PDE12: variants seen among roughly 807,000 people sequenced by gnomAD.
The protein encoded by PDE12 is phosphodiesterase 12.
In PDE12, 26 loss-of-function variants were observed where a neutral mutation model predicts 45.4. That is an observed-to-expected ratio of 0.57 (90% CI 0.42 to 0.79). The LOEUF is 0.79. Ranked by LOEUF, PDE12 falls within the 30% of genes least tolerant of loss-of-function variation. The probability of loss-of-function intolerance (pLI) is 0.00; values close to 1 mark genes in which losing one functional copy is unlikely to be tolerated. For synonymous variants in PDE12, 283 were observed against 323.9 expected (o/e 0.87, Z 1.36); for missense variants, 668 against 790.0 (o/e 0.85, Z 1.85).
chr3:57,581,782 A>C, the PDE12 span, among the ~76,000 whole-genome samples: 2 of 152,204 alleles, frequency 1.3e-5, no homozygotes, highest in South Asian at 4.1e-4. Context: ...ACAGGACGAG[A>C]ACTCCATCTC....
the PDE12 span, among the ~76,000 whole-genome samples, chr3:57,622,047 G>A: frequency 5.3e-5 from 8 of 152,062 alleles, no homozygotes; most frequent in Non-Finnish European, 1.2e-4. Flanking sequence ...ATGCTGGCGG[G>A]TGTCTGTAAT....
At chr3:57,579,153 T>C in the PDE12 span, among the ~76,000 whole-genome samples, 1 of 137,768 alleles carries the variant, frequency 7.3e-6, no homozygotes, top group Non-Finnish European at 1.5e-5. Context: ...CCGGGCATGG[T>C]GGCACACCTG....
At chr3:57,646,101 G>C in the PDE12 span, among the ~76,000 whole-genome samples, 291 of 152,252 alleles carry the variant, frequency 1.9e-3, 1 homozygote, top group African/African-American at 6.5e-3. Context: ...AACAACAAAG[G>C]CATGGTTCCA....
chr3:57,638,431 G>C, the PDE12 span, among the ~76,000 whole-genome samples: 2 of 151,986 alleles, frequency 1.3e-5, no homozygotes, highest in Non-Finnish European at 2.9e-5. Context: ...GCCAAGGCGG[G>C]TGGATCACCT....
rs534551274 is a variant in PDE12, at chr3:57,560,451, G to C, written c.*447G>C. On this transcript the variant is annotated 3_prime_UTR_variant, in exon 3 of 3. Coordinates refer to ENST00000311180, the MANE Select transcript of PDE12 (RefSeq NM_177966.7). ...AGCGATTCTCCTGCCTCAGCTTCCC[G>C]AGTAGCTGGGATTACAGGCGTGCGC... 5 of 449,528 alleles carry C rather than the reference G, an allele frequency of 1.1e-5. No homozygotes were observed. The highest frequency in any genetic ancestry group is 1.1e-3 in the Middle Eastern group (1 of 888). The allele number at this position is 449,528 out of a possible 1,614,324, so 27.8% of individuals were successfully genotyped here. A position where few individuals can be genotyped will look rare whatever the true frequency, so the allele number is the denominator to read the frequency against.
chr3:57,634,729 A>T, the PDE12 span: 1 of 1,572,148 alleles, frequency 6.4e-7, no homozygotes, highest in Non-Finnish European at 8.6e-7. Flanking sequence ...GAGTCTTTAG[A>T]TTCTTCAGTT....
chr3:57,597,158 T>C, the PDE12 span: 7 of 1,610,768 alleles, frequency 4.3e-6, no homozygotes, highest in African/African-American at 1.3e-5. Context: ...GTGGCACTTG[T>C]GATGGGCAGA....
At chr3:57,578,627 G>A in the PDE12 span, among the ~76,000 whole-genome samples, 5 of 151,972 alleles carry the variant, frequency 3.3e-5, no homozygotes, top group African/African-American at 9.6e-5. Flanking sequence ...CTACAGGTGC[G>A]TGCCACCACA....
chr3:57,634,868 T>C, the PDE12 span: 6 of 971,842 alleles, frequency 6.2e-6, no homozygotes, highest in African/African-American at 6.6e-5. Context: ...TACTTAAGTA[T>C]GTTATAATGA....
At chr3:57,639,289 T>C in the PDE12 span, among the ~76,000 whole-genome samples, 2 of 152,176 alleles carry the variant, frequency 1.3e-5, no homozygotes, top group African/African-American at 4.8e-5. Flanking sequence ...TGTTAAGAAA[T>C]AGGAACCCTC....
the PDE12 span, among the ~76,000 whole-genome samples, chr3:57,639,023 A>T: frequency 6.6e-6 from 1 of 152,168 alleles, no homozygotes; most frequent in Non-Finnish European, 1.5e-5. Context: ...ACTTGGGCCC[A>T]GGAGTTCAAG....
the PDE12 span, among the ~76,000 whole-genome samples, chr3:57,586,326 A>T: frequency 6.6e-6 from 1 of 152,230 alleles, no homozygotes; most frequent in Non-Finnish European, 1.5e-5. Context: ...AGCACATAAA[A>T]GCAATGCTAG....
Position 57,559,480 on chromosome 3 carries a change from G to T in PDE12, c.1388-82G>T, listed in dbSNP as rs1349642043. 4 of 1,558,948 alleles carry T rather than the reference G, an allele frequency of 2.6e-6. No individual in the cohort carries two copies. The Admixed American group carries it at 5.6e-5, about 22-fold the overall frequency. On this transcript the variant is annotated intron_variant, in intron 2 of 2. Transcript: ENST00000311180. ...ATGCATATCTTGAACGTCACCCAGA[G>T]ACTGTAATTTGTGTAGTTTTTCTTT...
the PDE12 span, among the ~76,000 whole-genome samples, chr3:57,586,929 G>A: frequency 3.9e-5 from 6 of 151,906 alleles, no homozygotes; most frequent in South Asian, 2.1e-4. Context: ...AAACTGAGAC[G>A]CTGATTAAGA....
the PDE12 span, chr3:57,575,421 T>A: frequency 6.2e-6 from 6 of 967,398 alleles, no homozygotes; most frequent in Admixed American, 3.7e-5. Flanking sequence ...ACCATATTTT[T>A]AAATAAATGA....
chr3:57,596,293 G>T, the PDE12 span, among the ~76,000 whole-genome samples: 1 of 152,088 alleles, frequency 6.6e-6, no homozygotes, highest in Non-Finnish European at 1.5e-5. Context: ...AAATTTATCA[G>T]GTATTTTTTA....
chr3:57,560,200 A>G lies in PDE12; in HGVS notation c.*196A>G. On this transcript the variant is annotated 3_prime_UTR_variant, in exon 3 of 3. Coordinates refer to ENST00000311180, the MANE Select transcript of PDE12 (RefSeq NM_177966.7). ...ATCTTCTCTTTCCTTGTTTTCCTCT[A>G]CAATTGGAGGAGAAACAAATATATT... The G allele has an allele frequency of 3.1e-6, 4 of 1,288,678 alleles. No individual in the cohort carries two copies. In the South Asian group the frequency reaches 8.6e-5, roughly 28 times the overall value. 79.8% of individuals were successfully genotyped at this position (1,288,678 alleles called of 1,614,324 possible).
At chr3:57,605,452 T>G in the PDE12 span, among the ~76,000 whole-genome samples, 1 of 152,082 alleles carries the variant, frequency 6.6e-6, no homozygotes, top group Non-Finnish European at 1.5e-5. Flanking sequence ...TGAAAAAAAC[T>G]CATAACCTGT....
chr3:57,631,964 C>T, the PDE12 span, among the ~76,000 whole-genome samples: 30 of 132,058 alleles, frequency 2.3e-4, no homozygotes, highest in East Asian at 4.7e-4. Flanking sequence ...CCTCGTGATC[C>T]GCCCGCCTCG....
Sources: gnomAD v4.1 joint callset for allele counts (sites outside exome capture counted in the v4.1 genomes callset) on GRCh38, gnomAD v4.1.1 for gene constraint, MANE v1.5 for transcripts, NCBI Gene and HGNC (gene_info 2026-07-23, HGNC 2026-07-21) for gene names.